The following MAPK10 variants were observed in gnomAD, a reference collection of about 807,000 sequenced individuals.
MAPK10 encodes JNK3 alpha protein kinase.
In MAPK10, 25 loss-of-function variants were observed where a neutral mutation model predicts 59.3. The ratio of observed to expected loss-of-function variants is 0.42; its 90% CI spans 0.31 to 0.59. The LOEUF (loss-of-function observed/expected upper bound fraction) is 0.59, where lower values mean the gene tolerates loss of function less well. Ranked by LOEUF, MAPK10 falls within the 20% of genes least tolerant of loss-of-function variation. The pLI is 0.15. For missense variants in MAPK10, 351 were observed against 568.9 expected (o/e 0.62, Z 3.90); for synonymous variants, 190 against 200.5 (o/e 0.95, Z 0.44).
At chr4:86,546,145 C>T (rs1759134961) in intron 1 of MAPK10, among the ~76,000 whole-genome samples, 1 of 152,116 alleles carries the variant, frequency 6.6e-6, no homozygotes, top group South Asian at 2.1e-4. Flanking sequence ...ATCTATTGAA[C>T]CTGGGAGGCA....
intron 1 of MAPK10, among the ~76,000 whole-genome samples, chr4:86,538,576 C>G (rs987048026): frequency 6.6e-6 from 1 of 152,134 alleles, no homozygotes; most frequent in Non-Finnish European, 1.5e-5. Context: ...TAGAGTAAAC[C>G]TGTAAGGTTT....
In MAPK10 at chr4:86,067,857, G is replaced by A. The variant is rs776843524; in HGVS notation, c.901C>T (p.Arg301Trp). The change falls in exon 10 of 14, where the codon CGG becomes TGG. Residue 301 changes from arginine to tryptophan, a missense_variant. Arg to Trp is a moderately radical substitution (Grantham distance 101). Transcript: ENST00000641462. ...AAGGTGAGTCCCGCATACTTGGGCC[G>A]ATTCTCCACATAGTTTCTTACTGTG... ...QPTVRNYVEN[R>W]PKYAGLTFPK... 1 of 1,613,896 alleles carries A rather than the reference G, an allele frequency of 6.2e-7. No homozygotes were observed. The highest frequency in any genetic ancestry group is 8.5e-7 in the Non-Finnish European group (1 of 1,179,902).
chr4:86,188,098 G>A (rs12511667), intron 3 of MAPK10, among the ~76,000 whole-genome samples: 12,979 of 152,088 alleles, frequency 0.085, 1,228 homozygotes, highest in African/African-American at 0.23. Context: ...TTATGGCTGC[G>A]TAGTATTCCA....
chr4:86,308,044 G>A (rs561225889), intron 2 of MAPK10, among the ~76,000 whole-genome samples: 1 of 152,088 alleles, frequency 6.6e-6, no homozygotes, highest in Non-Finnish European at 1.5e-5. Flanking sequence ...ACAGAGAAAG[G>A]CCTGTCGAAA....
chr4:86,246,776 GA>G (rs2148702629), intron 2 of MAPK10, among the ~76,000 whole-genome samples: 1 of 152,290 alleles, frequency 6.6e-6, no homozygotes, highest in South Asian at 2.1e-4. Context: ...CAGGCAGTGG[GA>G]CACTAGAGTC....
intron 11 of MAPK10, among the ~76,000 whole-genome samples, chr4:86,043,992 TTA>T: frequency 6.6e-6 from 1 of 152,254 alleles, no homozygotes; most frequent in African/African-American, 2.4e-5. Flanking sequence ...CACCCCAGGC[TTA>T]TAGTTCCTAC....
At chr4:86,033,445 G>A (rs1189002544) in intron 11 of MAPK10, among the ~76,000 whole-genome samples, 2 of 152,210 alleles carry the variant, frequency 1.3e-5, no homozygotes, top group African/African-American at 4.8e-5. Context: ...GCTTCTCCAT[G>A]CAGTGGATTT....
At chr4:86,034,401 G>T (rs1367615915) in intron 11 of MAPK10, among the ~76,000 whole-genome samples, 1 of 151,996 alleles carries the variant, frequency 6.6e-6, no homozygotes, top group Non-Finnish European at 1.5e-5. Context: ...ATTTATATTG[G>T]TGGTCAATTA....
At chr4:86,114,764 A>C (rs2058058541) in intron 4 of MAPK10, among the ~76,000 whole-genome samples, 2 of 152,366 alleles carry the variant, frequency 1.3e-5, no homozygotes, top group Non-Finnish European at 2.9e-5. Context: ...GCCAGCAGGC[A>C]GGAAAGACTA....
chr4:86,213,067 G>C (rs1026110071), intron 2 of MAPK10, among the ~76,000 whole-genome samples: 1 of 152,042 alleles, frequency 6.6e-6, no homozygotes, highest in Non-Finnish European at 1.5e-5. Flanking sequence ...TCAGAAATTT[G>C]TAGAAATTAA....
At position 86,409,965 on chromosome 4, in the gene MAPK10, T is replaced by A. The variant is rs549859971; in HGVS notation, c.-122+43065A>T. ...TGAATAGCAGTGGTGAGGGAAGGCATCCTTGTCTTGTGCCAGTTTTCAAAG... is the reference window on the plus strand; with the variant it reads ...TGAATAGCAGTGGTGAGGGAAGGCAACCTTGTCTTGTGCCAGTTTTCAAAG... On this transcript the variant is annotated intron_variant, in intron 1 of 13. Coordinates refer to the MAPK10 transcript ENST00000361569. Among the ~76,000 whole-genome samples, 15 of 152,330 alleles carry A rather than the reference T, an allele frequency of 9.8e-5. No homozygotes were observed. The South Asian group carries it at 2.9e-3, about 29-fold the overall frequency.
At chr4:86,180,409 G>A (rs1176313124) in intron 3 of MAPK10, among the ~76,000 whole-genome samples, 1 of 151,204 alleles carries the variant, frequency 6.6e-6, no homozygotes, top group Non-Finnish European at 1.5e-5. Context: ...CAAGCACTAT[G>A]GAGAACAGTA....
At chr4:86,174,509 C>T (rs902819754) in intron 3 of MAPK10, among the ~76,000 whole-genome samples, 1 of 152,096 alleles carries the variant, frequency 6.6e-6, no homozygotes, top group African/African-American at 2.4e-5. Context: ...ATAGCTAATG[C>T]ATGTGGGTGG....
chr4:86,271,039 G>C (rs1159262188), intron 2 of MAPK10, among the ~76,000 whole-genome samples: 4 of 151,958 alleles, frequency 2.6e-5, no homozygotes, highest in Non-Finnish European at 5.9e-5. Flanking sequence ...AAGTAGTTAG[G>C]AGTAAAATTC....
At chr4:86,529,747 C>T (rs1334517290) in intron 1 of MAPK10, among the ~76,000 whole-genome samples, 1 of 152,132 alleles carries the variant, frequency 6.6e-6, no homozygotes, top group Non-Finnish European at 1.5e-5. Flanking sequence ...TCTCAGAAAG[C>T]CCTGCAGAAG....
chr4:86,067,836 T>C lies in MAPK10; in HGVS notation c.922A>G (p.Thr308Ala), dbSNP rs774192821. The C allele has an allele frequency of 2.5e-6, 4 of 1,614,040 alleles. No individual in the cohort carries two copies. Among genetic ancestry groups the C allele is most frequent in the Non-Finnish European group, 3.4e-6 (4 of 1,179,964 alleles). ...VENRPKYAGL[T>A]FPKLFPDSLF... ...GAATCTGGGAAGAGTTTGGGGAAGG[T>C]GAGTCCCGCATACTTGGGCCGATTC... is the stretch of plus-strand genomic sequence containing the variant. Residue 308 changes from threonine to alanine, a missense_variant, in exon 10 of 14, where the codon ACC becomes GCC. This residue lies in a region of MAPK10 where 155 missense variants were observed against 204.2 expected (regional missense o/e 0.76). Coordinates refer to ENST00000641462, the MANE Select transcript of MAPK10 (RefSeq NM_138982.4).
chr4:86,055,772 C>CA (rs917072172), intron 11 of MAPK10, among the ~76,000 whole-genome samples: 3 of 148,206 alleles, frequency 2.0e-5, no homozygotes, highest in African/African-American at 5.1e-5. Flanking sequence ...AAATTTCTAC[C>CA]AAAAAAAATC....
intron 1 of MAPK10, among the ~76,000 whole-genome samples, chr4:86,527,617 C>T (rs1174570914): frequency 6.6e-6 from 1 of 152,170 alleles, no homozygotes; most frequent in Non-Finnish European, 1.5e-5. Context: ...TCTCAAAGCA[C>T]TTAAAACAGA....
chr4:86,103,205 G>A lies in MAPK10; in HGVS notation c.406C>T (p.Leu136=), dbSNP rs1042163954. The change falls in exon 6 of 14, where the codon CTG becomes TTG. Residue 136 remains leucine (L), a synonymous_variant. Coordinates refer to ENST00000641462, the MANE Select transcript of MAPK10 (RefSeq NM_138982.4). ...LLNVFTPQKT[L]EEFQDVYLVM... is the part of the protein sequence containing the mutation. ...ACTTACACATCTTGGAACTCCTCCAGCGTTTTCTGGGGTGTGAAGACATTT... is the reference window on the plus strand; with the variant it reads ...ACTTACACATCTTGGAACTCCTCCAACGTTTTCTGGGGTGTGAAGACATTT... 4 of 1,610,472 alleles carry A rather than the reference G, an allele frequency of 2.5e-6. 1 individual carries two copies. The highest frequency in any genetic ancestry group is 2.2e-5 in the East Asian group (1 of 44,794).
Sources: allele counts gnomAD v4.1 joint callset (sites outside exome capture counted in the v4.1 genomes callset), GRCh38; gene constraint gnomAD v4.1.1; regional missense constraint gnomAD v4.1.1; transcripts MANE v1.5; gene names NCBI Gene and HGNC (gene_info 2026-07-23, HGNC 2026-07-21).